NLGN1: variants seen among roughly 807,000 people sequenced by gnomAD.
The protein encoded by NLGN1 is neuroligin-1.
NLGN1 carries 12 observed loss-of-function variants against 65.5 expected under a neutral mutation model. That is an observed-to-expected ratio of 0.18 (90% CI 0.12 to 0.30). The LOEUF (loss-of-function observed/expected upper bound fraction) is 0.30. Among genes scored for constraint, NLGN1 ranks in the 10% least tolerant of loss-of-function variants. NLGN1 has a pLI of 1.00. For missense variants in NLGN1, 750 were observed against 1,007.1 expected, an observed-to-expected ratio of 0.74 and a Z score of 3.46; for synonymous variants, 350 against 359.5, an observed-to-expected ratio of 0.97 and a Z score of 0.30.
chr3:173,602,094 G>T (rs528739973), intron 2 of NLGN1, among the ~76,000 whole-genome samples: 146 of 152,070 alleles, frequency 9.6e-4, no homozygotes, highest in African/African-American at 3.0e-3. Flanking sequence ...CCCTGGCCAA[G>T]GTAAAAATTA....
chr3:174,020,371 T>G (rs1727506764), intron 4 of NLGN1, among the ~76,000 whole-genome samples: 2 of 152,056 alleles, frequency 1.3e-5, no homozygotes, highest in Non-Finnish European at 2.9e-5. Flanking sequence ...CCAAAAATTG[T>G]CCCCAAGTGA....
chr3:173,603,273 ATC>A (rs1750840997), intron 2 of NLGN1, among the ~76,000 whole-genome samples: 1 of 152,184 alleles, frequency 6.6e-6, no homozygotes, highest in Non-Finnish European at 1.5e-5. Flanking sequence ...GACAGTTAAC[ATC>A]ACATTGCTCT....
intron 3 of NLGN1, among the ~76,000 whole-genome samples, chr3:173,619,930 G>A (rs1272798092): frequency 6.6e-6 from 1 of 152,166 alleles, no homozygotes; most frequent in African/African-American, 2.4e-5. Flanking sequence ...ACTGAGCACA[G>A]GATGTGCAGG....
Position 174,280,196 on chromosome 3 carries a change from C to T in NLGN1, c.1650-285C>T, listed in dbSNP as rs1462115229. 6.6e-6 allele frequency among the ~76,000 whole-genome samples: 1 copy of T among 151,950 alleles called. No individual in the cohort carries two copies. The highest frequency in any genetic ancestry group is 1.5e-5 in the Non-Finnish European group (1 of 67,914). The stretch of plus-strand genomic sequence containing the variant: ...TAGCTTGCCTATGAGACAACTCATA[C>T]GTATGTGAGTATTTAAATAATTCTT... On this transcript the variant is annotated intron_variant, in intron 6 of 6. Coordinates refer to ENST00000457714, the Ensembl canonical transcript of NLGN1. This position sits in a 1 kb window ranked among gnomAD's most constrained non-coding sequence, Gnocchi z 4.9.
At chr3:173,512,315 C>T (rs970683856) in intron 2 of NLGN1, among the ~76,000 whole-genome samples, 11 of 152,152 alleles carry the variant, frequency 7.2e-5, no homozygotes, top group South Asian at 2.1e-4. Context: ...GTCACATGGA[C>T]GAATTGAAAG....
At chr3:173,561,575 A>ACT (rs1315273776) in intron 2 of NLGN1, among the ~76,000 whole-genome samples, 1 of 152,166 alleles carries the variant, frequency 6.6e-6, no homozygotes, top group Non-Finnish European at 1.5e-5. Context: ...TAATGGCAAA[A>ACT]ATTAAATATA....
chr3:173,544,070 TATAATTG>T (rs1739339454), intron 2 of NLGN1, among the ~76,000 whole-genome samples: 1 of 152,106 alleles, frequency 6.6e-6, no homozygotes, highest in South Asian at 2.1e-4. Flanking sequence ...AGAAATGTGG[TATAATTG>T]AGGAACAGAA....
At chr3:173,453,988 T>A (rs1272675068) in intron 2 of NLGN1, among the ~76,000 whole-genome samples, 38 of 152,220 alleles carry the variant, frequency 2.5e-4, no homozygotes, top group Non-Finnish European at 1.5e-5. Flanking sequence ...ATAATAAGAC[T>A]TGAAAGTTGA....
intron 2 of NLGN1, among the ~76,000 whole-genome samples, chr3:173,508,903 CCT>C (rs1732470526): frequency 6.6e-6 from 1 of 152,134 alleles, no homozygotes; most frequent in South Asian, 2.1e-4. Context: ...ATTCTAACCC[CCT>C]GACTCCACTG....
intron 2 of NLGN1, chr3:173,584,626 G>A (rs1326421676): frequency 2.0e-5 from 3 of 151,804 alleles, no homozygotes; most frequent in Admixed American, 2.0e-4. Context: ...GATTGCAGCC[G>A]AAAGAAGTAA....
At chr3:173,986,671 C>T (rs1230578963) in intron 4 of NLGN1, among the ~76,000 whole-genome samples, 2 of 152,152 alleles carry the variant, frequency 1.3e-5, no homozygotes, top group African/African-American at 2.4e-5. Context: ...TTAGGCTGCC[C>T]GCTTCAGGTG....
Position 173,490,087 on chromosome 3 carries a change from T to G in NLGN1, c.-321+55009T>G, listed in dbSNP as rs560787179. On this transcript the variant is annotated intron_variant, in intron 2 of 6. Coordinates refer to ENST00000457714, the Ensembl canonical transcript of NLGN1. ...TTTGCTGTGCAGAAGCTCTTTAGTTTAATTTGATCCCACTTGTCAATTTTG... is the reference window on the plus strand; with the variant it reads ...TTTGCTGTGCAGAAGCTCTTTAGTTGAATTTGATCCCACTTGTCAATTTTG... 2.0e-5 allele frequency among the ~76,000 whole-genome samples: 3 copies of G among 152,318 alleles called. No homozygotes were observed. In the South Asian group the frequency reaches 6.2e-4, roughly 32 times the overall value.
At chr3:174,223,731 A>G (rs1467586899) in intron 4 of NLGN1, among the ~76,000 whole-genome samples, 1 of 152,216 alleles carries the variant, frequency 6.6e-6, no homozygotes, top group Non-Finnish European at 1.5e-5. Flanking sequence ...GCTCACAGAA[A>G]TAAATGCATA....
chr3:173,517,213 A>G (rs1733951464), intron 2 of NLGN1, among the ~76,000 whole-genome samples: 1 of 152,048 alleles, frequency 6.6e-6, no homozygotes, highest in Non-Finnish European at 1.5e-5. Flanking sequence ...CTCTTCCAGT[A>G]TGAGTTTCTC....
intron 4 of NLGN1, among the ~76,000 whole-genome samples, chr3:174,017,921 G>C (rs1434950872): frequency 1.3e-5 from 2 of 152,114 alleles, no homozygotes; most frequent in Non-Finnish European, 2.9e-5. Context: ...CAGACAACTG[G>C]TCTGACCAAA....
chr3:173,469,494 G>A (rs573753773), intron 2 of NLGN1, among the ~76,000 whole-genome samples: 1 of 152,154 alleles, frequency 6.6e-6, no homozygotes, highest in East Asian at 1.9e-4. Flanking sequence ...ATTTCAAAAT[G>A]TTCCTTGGCT....
At chr3:173,561,435 A>G (rs1742712531) in intron 2 of NLGN1, among the ~76,000 whole-genome samples, 1 of 152,048 alleles carries the variant, frequency 6.6e-6, no homozygotes, top group South Asian at 2.1e-4. Flanking sequence ...ACAAAATCCC[A>G]TCCCGAAGCC....
chr3:173,928,951 T>C (rs935446517), intron 4 of NLGN1, among the ~76,000 whole-genome samples: 1 of 152,128 alleles, frequency 6.6e-6, no homozygotes, highest in African/African-American at 2.4e-5. Flanking sequence ...ATTACAGGCA[T>C]GAGCCACCAT....
At chr3:173,726,740 TA>T (rs1771852443) in intron 3 of NLGN1, among the ~76,000 whole-genome samples, 1 of 152,182 alleles carries the variant, frequency 6.6e-6, no homozygotes, top group Admixed American at 6.6e-5. Flanking sequence ...CCTTTCTTTA[TA>T]AAGTGTGTTT....
Sources: allele counts gnomAD v4.1 joint callset (sites outside exome capture counted in the v4.1 genomes callset), GRCh38; gene constraint gnomAD v4.1.1; non-coding constraint Gnocchi (gnomAD v3.1); transcripts MANE v1.5; gene names NCBI Gene and HGNC (gene_info 2026-07-23, HGNC 2026-07-21).